ACOX3: variants seen among roughly 807,000 people sequenced by gnomAD.
The protein encoded by ACOX3 is peroxisomal acyl-coenzyme A oxidase 3.
A neutral mutation model predicts 81.5 loss-of-function variants in ACOX3; 73 were observed. The observed-to-expected ratio is 0.90, with a 90% confidence interval of 0.74 to 1.09. ACOX3 has a LOEUF of 1.09. Ranked by LOEUF, ACOX3 falls within the 50% of genes least tolerant of loss-of-function variation. The probability of loss-of-function intolerance (pLI) is 0.00; values close to 1 mark genes in which losing one functional copy is unlikely to be tolerated. For missense variants in ACOX3, 947 were observed against 928.0 expected (o/e 1.02, Z -0.27); for synonymous variants, 387 against 375.1 (o/e 1.03, Z -0.37).
Position 8,406,443 on chromosome 4 carries a change from G to T in ACOX3, c.688-400C>A, listed in dbSNP as rs1440142696. ...ACAGGGTCAGTGGGTTTCTCCCCGT[G>T]TGTGGAGACAAGAGAGCATAGAGAT... On this transcript the variant is annotated intron_variant, in intron 6 of 17. Coordinates refer to ENST00000356406, the MANE Select transcript of ACOX3 (RefSeq NM_003501.3). The surrounding 1 kb of genome is among the most constrained non-coding windows in gnomAD (Gnocchi z 5.6). Among the ~76,000 whole-genome samples the T allele has an allele frequency of 1.3e-5, 2 of 152,214 alleles. No individual in the cohort carries two copies. The highest frequency in any genetic ancestry group is 2.9e-5 in the Non-Finnish European group (2 of 68,032).
At position 8,430,092 on chromosome 4, in the gene ACOX3, G is replaced by A. The variant is rs1386370263; in HGVS notation, c.-15+10556C>T. ...GGGTGGGGATACTCAGGTCATGTTTGGAAATTCTGTCTACTTCTGTTCTAC... is the reference window on the plus strand; with the variant it reads ...GGGTGGGGATACTCAGGTCATGTTTAGAAATTCTGTCTACTTCTGTTCTAC... On this transcript the variant is annotated intron_variant, in intron 1 of 17. Coordinates refer to ENST00000356406, the MANE Select transcript of ACOX3 (RefSeq NM_003501.3). This position sits in a 1 kb window ranked among gnomAD's most constrained non-coding sequence, Gnocchi z 5.2. 6.6e-6 allele frequency among the ~76,000 whole-genome samples: 1 copy of A among 152,190 alleles called. No individual in the cohort carries two copies. Among genetic ancestry groups the A allele is most frequent in the Non-Finnish European group, 1.5e-5 (1 of 68,038 alleles).
At position 8,437,106 on chromosome 4, in the gene ACOX3, TATATATGTAAAAAA is replaced by T. The variant is rs1220119285; in HGVS notation, c.-15+3528_-15+3541del. ...ATACACGTAAATATATATATTTACA[TATATATGTAAAAAA>T]ATATATGTAAATATATATATAAATA... On this transcript the variant is annotated intron_variant, in intron 1 of 17. Transcript: ENST00000356406. The surrounding 1 kb of genome is among the most constrained non-coding windows in gnomAD (Gnocchi z 5.2). 7.9e-5 allele frequency among the ~76,000 whole-genome samples: 6 copies of T among 75,774 alleles called. No homozygotes were observed. Among genetic ancestry groups the T allele is most frequent in the Admixed American group, 5.9e-4 (5 of 8,484 alleles). 49.7% of individuals were successfully genotyped at this position (75,774 alleles called of 152,430 possible).
intron 10 of ACOX3, 122 bp from the exon 11 acceptor site, chr4:8,392,575 A>C: frequency 8.8e-7 from 1 of 1,139,244 alleles, no homozygotes. Flanking sequence ...CATCCCGAAA[A>C]TGACAGAAGA....
rs1027781163 is a variant in ACOX3 at position 8,370,954 on chromosome 4, G to A, written c.1937C>T (p.Pro646Leu). 7 of 1,613,992 alleles carry A rather than the reference G, an allele frequency of 4.3e-6. No individual in the cohort carries two copies. Among genetic ancestry groups the A allele is most frequent in the African/African-American group, 1.3e-5 (1 of 74,940 alleles). Residue 646 changes from proline (P) to leucine (L), a missense_variant, in exon 17 of 18, where the codon CCT (proline) becomes CTT (leucine). By Grantham distance (98) the Pro-to-Leu change is moderately conservative. Coordinates refer to ENST00000356406, the MANE Select transcript of ACOX3 (RefSeq NM_003501.3). The surrounding 1 kb of genome is among the most constrained non-coding windows in gnomAD (Gnocchi z 6.3). ...CGGTGAGTCCAGAACAAAGTCAGGA[G>A]GAGCGATCACGTCTACCAGGGCAAC... The part of the protein sequence containing the change: ...DAVALVDVIA[P>L]PDFVLDSPIG...
chr4:8,362,645 A>G (rs1321393577), downstream of ACOX3, among the ~76,000 whole-genome samples: 1 of 152,232 alleles, frequency 6.6e-6, no homozygotes, highest in African/African-American at 2.4e-5. Flanking sequence ...GAAATGCCTC[A>G]TACCTTGTCT....
At chr4:8,429,534 G>C (rs1209171169) in intron 1 of ACOX3, among the ~76,000 whole-genome samples, 2 of 152,212 alleles carry the variant, frequency 1.3e-5, no homozygotes, top group African/African-American at 4.8e-5. Flanking sequence ...TATCTTATCA[G>C]TTAATTGTAT....
rs1316660075 is a variant in ACOX3, at chr4:8,381,325, T to C, written c.1653+167A>G. Among the ~76,000 whole-genome samples the C allele has an allele frequency of 6.6e-6, 1 of 152,138 alleles. No homozygotes were observed. Among genetic ancestry groups the C allele is most frequent in the Non-Finnish European group, 1.5e-5 (1 of 68,022 alleles). On this transcript the variant is annotated intron_variant, in intron 14 of 17. Coordinates refer to ENST00000356406, the MANE Select transcript of ACOX3 (RefSeq NM_003501.3). The surrounding 1 kb of genome is among the most constrained non-coding windows in gnomAD (Gnocchi z 4.3). ...AAGACAGGTGCTGCCATCCCTGTGTTACAGAGGAGCTGAGCAAGCAGCAAA... is the reference window on the plus strand; with the variant it reads ...AAGACAGGTGCTGCCATCCCTGTGTCACAGAGGAGCTGAGCAAGCAGCAAA...
intron 1 of ACOX3, among the ~76,000 whole-genome samples, chr4:8,433,377 G>C (rs1724059088): frequency 1.3e-5 from 2 of 152,380 alleles, no homozygotes; most frequent in South Asian, 4.1e-4. Context: ...GGCAGAGATT[G>C]AAGTGCTGGA....
rs1723116446 is a variant in ACOX3 at position 8,423,051 on chromosome 4, G to A, written c.-14-6516C>T. Among the ~76,000 whole-genome samples the A allele has an allele frequency of 6.6e-6, 1 of 152,094 alleles. No individual in the cohort carries two copies. The highest frequency in any genetic ancestry group is 2.1e-4 in the South Asian group (1 of 4,834). ...ATGCCCCAGGTATGCTTGACCATTG[G>A]GGGCCAGAAGGTTAACTGTCTCCTG... On this transcript the variant is annotated intron_variant, in intron 1 of 17. Transcript: ENST00000356406. This position sits in a 1 kb window ranked among gnomAD's most constrained non-coding sequence, Gnocchi z 4.2.
At chr4:8,428,125 A>T (rs796691603) in intron 1 of ACOX3, among the ~76,000 whole-genome samples, 1 of 152,230 alleles carries the variant, frequency 6.6e-6, no homozygotes, top group Non-Finnish European at 1.5e-5. Context: ...GCCTAGTTCA[A>T]TGTGTAAAGT....
chr4:8,408,498 A>G (rs1721274272), intron 6 of ACOX3, among the ~76,000 whole-genome samples: 1 of 152,122 alleles, frequency 6.6e-6, no homozygotes, highest in Non-Finnish European at 1.5e-5. Flanking sequence ...AGCACAACAT[A>G]AACAAGTCTA....
chr4:8,390,997 G>A (rs10461079), intron 11 of ACOX3, among the ~76,000 whole-genome samples: 36,619 of 151,908 alleles, frequency 0.24, 5,536 homozygotes, highest in Admixed American at 0.37. Context: ...CTCAATCCCA[G>A]CATATGTATA....
intron 5 of ACOX3, among the ~76,000 whole-genome samples, chr4:8,411,220 G>C (rs924368240): frequency 3.9e-5 from 6 of 152,356 alleles, no homozygotes; most frequent in African/African-American, 1.2e-4. Context: ...GCCGCCTCGG[G>C]AGACACTGAT....
rs531605542 is a variant in ACOX3 at position 8,409,157 on chromosome 4, A to G, written c.687+1055T>C. On this transcript the variant is annotated intron_variant, in intron 6 of 17. Transcript: ENST00000356406. Reference sequence around the variant, plus strand: ...GCTCAAACGTCAGGTCAACTGAAAAATAAGAACATGAGCAACAAAAGAAAA... The same window carrying G: ...GCTCAAACGTCAGGTCAACTGAAAAGTAAGAACATGAGCAACAAAAGAAAA... 4.6e-5 allele frequency among the ~76,000 whole-genome samples: 7 copies of G among 152,390 alleles called. No individual in the cohort carries two copies. The South Asian group carries it at 1.4e-3, about 32-fold the overall frequency.
intron 16 of ACOX3, 30 bp from the exon 17 acceptor site, chr4:8,371,024 C>T (rs757619149): frequency 3.1e-6 from 5 of 1,606,002 alleles, no homozygotes; most frequent in South Asian, 1.1e-5. Flanking sequence ...AGACACTTGG[C>T]ACCTCCCGGG....
At chr4:8,392,495 T>C (rs763912439) in intron 10 of ACOX3, 42 bp from the exon 11 acceptor site, 2 of 1,482,826 alleles carry the variant, frequency 1.3e-6, no homozygotes. Flanking sequence ...GAAAAGAGAC[T>C]TTAGACACCA....
At position 8,399,539 on chromosome 4, in the gene ACOX3, G is replaced by T. The variant is rs371117819; in HGVS notation, c.873+17C>A. Reference sequence around the variant, plus strand: ...ACCTGGGAAGCACGGCACACGAACGGCCCCCCATGCCTGTACCTTAAAGGG... The same window carrying T: ...ACCTGGGAAGCACGGCACACGAACGTCCCCCCATGCCTGTACCTTAAAGGG... On this transcript the variant is annotated intron_variant, in intron 8 of 17. Transcript: ENST00000356406. This position sits in a 1 kb window ranked among gnomAD's most constrained non-coding sequence, Gnocchi z 4.9. The T allele has an allele frequency of 1.3e-6, 2 of 1,599,842 alleles. No homozygotes were observed. The highest frequency in any genetic ancestry group is 2.7e-5 in the African/African-American group (2 of 74,698).
rs1287859285 is a variant in ACOX3 at position 8,416,982 on chromosome 4, G to C, written c.-14-447C>G. Among the ~76,000 whole-genome samples the C allele has an allele frequency of 1.3e-5, 2 of 152,156 alleles. No homozygotes were observed. Among genetic ancestry groups the C allele is most frequent in the African/African-American group, 4.8e-5 (2 of 41,440 alleles). On this transcript the variant is annotated intron_variant, in intron 1 of 17. Transcript: ENST00000356406. The surrounding 1 kb of genome is among the most constrained non-coding windows in gnomAD (Gnocchi z 4.2). ...TGGTCCACTCTGGCCACACACAATGGTACCTCACGTCTCCACCCACCGCCG... is the reference window on the plus strand; with the variant it reads ...TGGTCCACTCTGGCCACACACAATGCTACCTCACGTCTCCACCCACCGCCG...
chr4:8,373,176 T>C (rs552317366), intron 16 of ACOX3, among the ~76,000 whole-genome samples: 3 of 152,290 alleles, frequency 2.0e-5, no homozygotes, highest in Admixed American at 2.0e-4. Flanking sequence ...AAAAGGTGTG[T>C]GAGAGGGCCT....
Sources: allele counts gnomAD v4.1 joint callset (sites outside exome capture counted in the v4.1 genomes callset), GRCh38; gene constraint gnomAD v4.1.1; non-coding constraint Gnocchi (gnomAD v3.1); transcripts MANE v1.5; gene names NCBI Gene and HGNC (gene_info 2026-07-23, HGNC 2026-07-21).